The following CPSF3 variants were observed in gnomAD, a reference collection of about 807,000 sequenced individuals.
CPSF3 encodes cleavage and polyadenylation specific factor 3.
Under a neutral mutation model 84.1 loss-of-function variants are expected in CPSF3, and 57 were observed. The ratio of observed to expected loss-of-function variants is 0.68; its 90% CI spans 0.55 to 0.85. The LOEUF (loss-of-function observed/expected upper bound fraction) is 0.85, where lower values mean the gene tolerates loss of function less well. Among genes scored for constraint, CPSF3 ranks in the 40% least tolerant of loss-of-function variants. CPSF3 has a pLI of 0.00. For missense variants in CPSF3, 522 were observed against 838.8 expected, an observed-to-expected ratio of 0.62 and a Z score of 4.66; for synonymous variants, 275 against 278.1, an observed-to-expected ratio of 0.99 and a Z score of 0.11.
intron 6 of CPSF3, among the ~76,000 whole-genome samples, chr2:9,434,608 A>T (rs1444482911): frequency 6.6e-6 from 1 of 152,076 alleles, no homozygotes; most frequent in Non-Finnish European, 1.5e-5. Flanking sequence ...AAATGGTGTG[A>T]CCTCACTGCC....
At position 9,440,553 on chromosome 2, in the gene CPSF3, G is replaced by A; in HGVS notation, c.823G>A (p.Ala275Thr). Residue 275 changes from alanine (A) to threonine (T), a missense_variant, in exon 8 of 18, where the codon GCC becomes ACC. Physicochemically the swap from Ala to Thr is moderately conservative, Grantham distance 58. Transcript: ENST00000238112. ...TCCAATATACTATGCATCATCTTTG[G>A]CCAAGAAGTGTATGGCAGTGTACCA... is the stretch of plus-strand genomic sequence containing the variant. ...DIPIYYASSL[A>T]KKCMAVYQTY... The A allele has an allele frequency of 6.2e-7, 1 of 1,614,090 alleles. No individual in the cohort carries two copies. The highest frequency in any genetic ancestry group is 8.5e-7 in the Non-Finnish European group (1 of 1,180,004).
chr2:9,446,721 C>T (rs1681139998), intron 10 of CPSF3, among the ~76,000 whole-genome samples: 1 of 151,868 alleles, frequency 6.6e-6, no homozygotes, highest in African/African-American at 2.4e-5. Context: ...CACGACACTG[C>T]ACTCCAGCCT....
chr2:9,466,422 GCGCACACA>G (rs1268484500), intron 15 of CPSF3, among the ~76,000 whole-genome samples: 2 of 140,274 alleles, frequency 1.4e-5, no homozygotes, highest in Non-Finnish European at 3.0e-5. Flanking sequence ...ACACGCACAC[GCGCACACA>G]CGCGCACACA....
chr2:9,469,366 T>C (rs756336022), intron 16 of CPSF3, among the ~76,000 whole-genome samples: 2 of 152,120 alleles, frequency 1.3e-5, no homozygotes, highest in Non-Finnish European at 2.9e-5. Context: ...ACAGCCCTAT[T>C]GTAGAAGGTG....
intron 10 of CPSF3, among the ~76,000 whole-genome samples, chr2:9,445,855 A>G (rs1681110309): frequency 6.6e-6 from 1 of 152,236 alleles, no homozygotes. Context: ...ATAAAATTGC[A>G]ATACTAGTAG....
At chr2:9,465,862 T>C (rs2124867373) in intron 15 of CPSF3, among the ~76,000 whole-genome samples, 1 of 152,276 alleles carries the variant, frequency 6.6e-6, no homozygotes, top group South Asian at 2.1e-4. Flanking sequence ...ACAATATCCA[T>C]ATATATGGGG....
chr2:9,438,366 A>C (rs1209711175), intron 7 of CPSF3, among the ~76,000 whole-genome samples: 1 of 152,238 alleles, frequency 6.6e-6, no homozygotes, highest in African/African-American at 2.4e-5. Context: ...TAGGAAGTTG[A>C]AACAATGTTG....
intron 10 of CPSF3, among the ~76,000 whole-genome samples, chr2:9,447,592 G>A (rs1681169403): frequency 6.6e-6 from 1 of 151,444 alleles, no homozygotes; most frequent in African/African-American, 2.4e-5. Flanking sequence ...TGACCAACAT[G>A]GTAAAACCCC....
chr2:9,444,158 A>ATATATAT (rs1216393477), intron 10 of CPSF3, among the ~76,000 whole-genome samples: 11 of 123,164 alleles, frequency 8.9e-5, no homozygotes, highest in South Asian at 4.8e-4. Context: ...ATATATATAT[A>ATATATAT]TTTTTTTTTT....
At chr2:9,463,725 C>T (rs1681810253) in intron 15 of CPSF3, among the ~76,000 whole-genome samples, 1 of 152,192 alleles carries the variant, frequency 6.6e-6, no homozygotes, top group Admixed American at 6.5e-5. Flanking sequence ...GGGATTTTCA[C>T]ATTTAGAGCA....
chr2:9,466,424 GCACACA>G (rs145513929), intron 15 of CPSF3, among the ~76,000 whole-genome samples: 33 of 141,842 alleles, frequency 2.3e-4, no homozygotes, highest in African/African-American at 8.9e-4. Context: ...ACGCACACGC[GCACACA>G]CGCGCACACA....
chr2:9,454,746 G>A (rs942197685), intron 12 of CPSF3, among the ~76,000 whole-genome samples: 9 of 151,786 alleles, frequency 5.9e-5, no homozygotes, highest in South Asian at 2.1e-4. Flanking sequence ...GGGTTTCACC[G>A]TGTTAGCCAG....
chr2:9,424,694 T>C (rs11675922), intron 1 of CPSF3: 23,630 of 152,212 alleles, frequency 0.16, 2,089 homozygotes, highest in Middle Eastern at 0.28. Context: ...TGTCTTCCTG[T>C]GATGAGCAAA....
At position 9,448,192 on chromosome 2, in the gene CPSF3, A is replaced by T. The variant is rs975167838; in HGVS notation, c.1243-6A>T. On this transcript the variant is annotated splice_region_variant and splice_polypyrimidine_tract_variant and intron_variant, in intron 10 of 17. Coordinates refer to ENST00000238112, the MANE Select transcript of CPSF3 (RefSeq NM_016207.4). ...CATATATTCTTTTAACATTTATTCTATGTAGATTTTAGTCCATGGAGAACA... is the reference window on the plus strand; with the variant it reads ...CATATATTCTTTTAACATTTATTCTTTGTAGATTTTAGTCCATGGAGAACA... 1.3e-6 allele frequency: 2 copies of T among 1,559,936 alleles called. No individual in the cohort carries two copies. Among genetic ancestry groups the T allele is most frequent in the Admixed American group, 1.7e-5 (1 of 58,040 alleles).
At chr2:9,438,547 T>C (rs762787377) in intron 7 of CPSF3, among the ~76,000 whole-genome samples, 2 of 149,816 alleles carry the variant, frequency 1.3e-5, no homozygotes, top group Non-Finnish European at 3.0e-5. Flanking sequence ...TCACCCAGGC[T>C]GGAGTGTGGT....
chr2:9,459,034 C>A (rs1052932520), intron 14 of CPSF3, among the ~76,000 whole-genome samples: 17 of 151,820 alleles, frequency 1.1e-4, no homozygotes, highest in African/African-American at 4.1e-4. Context: ...ATTACTTGAA[C>A]CTGGGAGGCA....
intron 1 of CPSF3, among the ~76,000 whole-genome samples, chr2:9,426,698 G>A (rs1680404746): frequency 6.6e-6 from 1 of 152,136 alleles, no homozygotes; most frequent in South Asian, 2.1e-4. Context: ...GGTCAGAGAA[G>A]CCAAGGGAGA....
chr2:9,441,890 T>A lies in CPSF3; in HGVS notation c.1009T>A (p.Ser337Thr), dbSNP rs1680968104. Residue 337 changes from serine to threonine, a missense_variant, in exon 9 of 18, where the codon TCC becomes ACC. Around this residue, in one of 2 missense-constraint regions of CPSF3, gnomAD observed 329 missense variants for 607.2 expected, o/e 0.54. Coordinates refer to ENST00000238112, the MANE Select transcript of CPSF3 (RefSeq NM_016207.4). ...CCCAGGCATGATGCAAAGTGGCTTA[T>A]CCAGAGAATTATTTGAAAGCTGGTG... ...ASPGMMQSGL[S>T]RELFESWCTD... 6.2e-7 allele frequency: 1 copy of A among 1,614,070 alleles called. No homozygotes were observed. The highest frequency in any genetic ancestry group is 8.5e-7 in the Non-Finnish European group (1 of 1,180,032).
chr2:9,443,968 C>T (rs1187159588), intron 10 of CPSF3, among the ~76,000 whole-genome samples: 1 of 151,984 alleles, frequency 6.6e-6, no homozygotes, highest in African/African-American at 2.4e-5. Flanking sequence ...ATTTGGAATG[C>T]CAGCTCCATC....
Sources: gnomAD v4.1 joint callset for allele counts (sites outside exome capture counted in the v4.1 genomes callset) on GRCh38, gnomAD v4.1.1 for gene constraint, gnomAD v4.1.1 regional missense constraint, MANE v1.5 for transcripts, NCBI Gene and HGNC (gene_info 2026-07-23, HGNC 2026-07-21) for gene names.